The following ECT2L variants were observed in gnomAD, a reference collection of about 807,000 sequenced individuals.
ECT2L encodes epithelial cell-transforming sequence 2 oncogene-like.
In ECT2L, 126 loss-of-function variants were observed where a neutral mutation model predicts 122.8. That is an observed-to-expected ratio of 1.03 (90% CI 0.89 to 1.19). The LOEUF (loss-of-function observed/expected upper bound fraction) is 1.19, where lower values mean the gene tolerates loss of function less well. Among genes scored for constraint, ECT2L ranks in the 50% most tolerant of loss-of-function variants. ECT2L has a pLI of 0.00. For missense variants in ECT2L, 1,012 were observed against 1,064.1 expected, an observed-to-expected ratio of 0.95 and a Z score of 0.68; for synonymous variants, 385 against 381.8, an observed-to-expected ratio of 1.01 and a Z score of -0.10.
Position 138,867,635 on chromosome 6 carries a change from C to A in ECT2L, c.1475-468C>A, listed in dbSNP as rs1230698198. On this transcript the variant is annotated intron_variant, in intron 12 of 21. Transcript: ENST00000541398. ...GACCAGCCTGGCCAACATGGTGAAA[C>A]CCGGTCTCTCCTAAAACTACAAAAA... Among the ~76,000 whole-genome samples, 11 of 145,730 alleles carry A rather than the reference C, an allele frequency of 7.5e-5. 1 individual carries two copies. The Admixed American group carries it at 7.8e-4, about 10-fold the overall frequency.
rs556675034 is a variant in ECT2L at position 138,891,495 on chromosome 6, CT to C, written c.2414+2466del. Among the ~76,000 whole-genome samples the C allele has an allele frequency of 4.6e-3, 693 of 152,300 alleles. 7 individuals are homozygous for C. Among genetic ancestry groups the C allele is most frequent in the African/African-American group, 0.016 (650 of 41,560 alleles). On this transcript the variant is annotated intron_variant, in intron 20 of 21. Transcript: ENST00000541398. ...ATAAGAACACTGGTCTCCACAATCT[CT>C]TATCTAAAGCCAGATACTCCTTTCT...
rs764692016 is a variant in ECT2L, at chr6:138,886,849, T to TC, written c.2260-4dup. 2 of 1,611,318 alleles carry TC rather than the reference T, an allele frequency of 1.2e-6. No homozygotes were observed. Among genetic ancestry groups the TC allele is most frequent in the East Asian group, 4.5e-5 (2 of 44,866 alleles). On this transcript the variant is annotated splice_region_variant and splice_polypyrimidine_tract_variant and intron_variant, in intron 18 of 21. Transcript: ENST00000541398. ...TTAGTTTGCCTAAAAGTACTTTTTT[T>TC]CCCCTAGATGAAGCAAAACATCACT...
rs10708030 is a variant in ECT2L at position 138,876,670 on chromosome 6, T to TAA, written c.1665+123_1665+124dup. On this transcript the variant is annotated intron_variant, in intron 14 of 21. Transcript: ENST00000541398. ...CCTTGAAAATTTCCCTTTGGGGGATTAAAAAAAAAAAACCTCAAAAATTAT... is the reference window on the plus strand; with the variant it reads ...CCTTGAAAATTTCCCTTTGGGGGATTAAAAAAAAAAAAAACCTCAAAAATTAT... The TAA allele has an allele frequency of 2.2e-3, 1,033 of 468,130 alleles. 3 individuals carry two copies. The highest frequency in any genetic ancestry group is 0.018 in the African/African-American group (846 of 48,308). 29.0% of individuals were successfully genotyped at this position (468,130 alleles called of 1,614,324 possible).
At chr6:138,848,507 A>G (rs1777312664) in intron 8 of ECT2L, among the ~76,000 whole-genome samples, 1 of 152,218 alleles carries the variant, frequency 6.6e-6, no homozygotes, top group Admixed American at 6.5e-5. Flanking sequence ...ACCTGTATGT[A>G]TTAATATGCA....
intron 1 of ECT2L, among the ~76,000 whole-genome samples, chr6:138,803,321 C>T (rs1173248597): frequency 5.0e-5 from 2 of 40,048 alleles, no homozygotes; most frequent in Non-Finnish European, 9.1e-5. Flanking sequence ...TGCATGTACA[C>T]ACACACACAC....
At chr6:138,852,287 AC>A (rs1396343235) in intron 9 of ECT2L, among the ~76,000 whole-genome samples, 1 of 144,352 alleles carries the variant, frequency 6.9e-6, no homozygotes, top group African/African-American at 2.6e-5. Flanking sequence ...CAAACCAAAA[AC>A]CCCCCAGCCC....
At position 138,902,975 on chromosome 6, in the gene ECT2L, G is replaced by A. The variant is rs897097263; in HGVS notation, c.*348G>A. ...CTAATGAAAAAAGCAGAATGAAAGTGTTTCTTAAGTGATCAGTCTAGAAAG... is the reference window on the plus strand; with the variant it reads ...CTAATGAAAAAAGCAGAATGAAAGTATTTCTTAAGTGATCAGTCTAGAAAG... On this transcript the variant is annotated 3_prime_UTR_variant, in exon 22 of 22. Coordinates refer to ENST00000541398, the MANE Select transcript of ECT2L (RefSeq NM_001077706.3). The A allele has an allele frequency of 2.5e-5, 6 of 235,312 alleles. No individual in the cohort carries two copies. Among genetic ancestry groups the A allele is most frequent in the South Asian group, 2.3e-4 (4 of 17,652 alleles). The allele number at this position is 235,312 out of a possible 1,614,324, so 14.6% of individuals were successfully genotyped here. A position where few individuals can be genotyped will look rare whatever the true frequency, so the allele number is the denominator to read the frequency against.
intron 1 of ECT2L, among the ~76,000 whole-genome samples, chr6:138,810,619 T>C (rs181512870): frequency 6.6e-6 from 1 of 152,208 alleles, no homozygotes; most frequent in Admixed American, 6.5e-5. Context: ...AATGTGATTG[T>C]TGGAGACAAA....
chr6:138,898,705 T>C (rs1562499437), intron 20 of ECT2L, among the ~76,000 whole-genome samples: 1 of 152,156 alleles, frequency 6.6e-6, no homozygotes, highest in East Asian at 1.9e-4. Flanking sequence ...CATTACCATA[T>C]AAAGTGAGTT....
At chr6:138,855,366 G>A (rs1025094028) in intron 10 of ECT2L, among the ~76,000 whole-genome samples, 3 of 151,906 alleles carry the variant, frequency 2.0e-5, no homozygotes, top group African/African-American at 4.8e-5. Context: ...AAAAATAGCT[G>A]GGCGTGGTGG....
chr6:138,864,859 T>C, intron 11 of ECT2L, 137 bp from the exon 12 acceptor site: 1 of 739,742 alleles, frequency 1.4e-6, no homozygotes, highest in East Asian at 2.8e-5. Context: ...GGATGGGTGT[T>C]TGTCTTAGTC....
chr6:138,845,172 TTCTA>T (rs1202535347), intron 7 of ECT2L, among the ~76,000 whole-genome samples: 6 of 152,152 alleles, frequency 3.9e-5, no homozygotes, highest in African/African-American at 7.2e-5. Flanking sequence ...AGAAATTCAA[TTCTA>T]TCTGACATTC....
At chr6:138,868,799 T>C (rs1778141039) in intron 13 of ECT2L, among the ~76,000 whole-genome samples, 1 of 152,130 alleles carries the variant, frequency 6.6e-6, no homozygotes, top group South Asian at 2.1e-4. Flanking sequence ...CCAGTCCACA[T>C]TTCAGAAAAT....
rs1777457485 is a variant in ECT2L, at chr6:138,851,689, GAGTTAT to G, written c.1069+2260_1069+2265del. ...GGGTTATTTGATTTTTTTCACTGTT[GAGTTAT>G]AGTTCATATATTCTAAATACTATTC... On this transcript the variant is annotated intron_variant, in intron 9 of 21. Coordinates refer to ENST00000541398, the MANE Select transcript of ECT2L (RefSeq NM_001077706.3). Among the ~76,000 whole-genome samples, 3 of 151,716 alleles carry G rather than the reference GAGTTAT, an allele frequency of 2.0e-5. No individual in the cohort carries two copies. In the South Asian group the frequency reaches 6.3e-4, roughly 32 times the overall value.
chr6:138,811,883 T>C (rs1775913980), intron 1 of ECT2L, among the ~76,000 whole-genome samples: 1 of 152,000 alleles, frequency 6.6e-6, no homozygotes, highest in South Asian at 2.1e-4. Context: ...GAGACGGGGT[T>C]TCATCATGTT....
intron 4 of ECT2L, among the ~76,000 whole-genome samples, chr6:138,837,298 C>A (rs1433307310): frequency 6.6e-6 from 1 of 152,130 alleles, no homozygotes; most frequent in Non-Finnish European, 1.5e-5. Context: ...TTCCCAACCC[C>A]CTGTAAACAA....
chr6:138,801,944 C>T (rs910161794), intron 1 of ECT2L, among the ~76,000 whole-genome samples: 2 of 152,130 alleles, frequency 1.3e-5, no homozygotes, highest in African/African-American at 4.8e-5. Context: ...CCAGATGTGG[C>T]CTGCTGACTG....
chr6:138,871,963 CTT>C (rs1479508396), intron 13 of ECT2L, among the ~76,000 whole-genome samples: 2 of 151,728 alleles, frequency 1.3e-5, no homozygotes, highest in Admixed American at 6.6e-5. Context: ...AGACAGGAGT[CTT>C]TATTTTATTT....
chr6:138,845,905 TC>T (rs1039389112), intron 7 of ECT2L, among the ~76,000 whole-genome samples: 4 of 151,466 alleles, frequency 2.6e-5, no homozygotes, highest in African/African-American at 9.7e-5. Flanking sequence ...ACCCCATCTT[TC>T]CCCCCACCCA....
Sources: gnomAD v4.1 joint callset for allele counts (sites outside exome capture counted in the v4.1 genomes callset) on GRCh38, gnomAD v4.1.1 for gene constraint, MANE v1.5 for transcripts, NCBI Gene and HGNC (gene_info 2026-07-23, HGNC 2026-07-21) for gene names.